NIPAL3: variants seen among roughly 807,000 people sequenced by gnomAD.
The protein encoded by NIPAL3 is NIPA like domain containing 3.
Under a neutral mutation model 47.2 loss-of-function variants are expected in NIPAL3, and 41 were observed. That is an observed-to-expected ratio of 0.87 (90% confidence interval 0.68 to 1.13). The LOEUF is 1.13. Among genes scored for constraint, NIPAL3 ranks in the 50% most tolerant of loss-of-function variants. The pLI is 0.00. For synonymous variants in NIPAL3, 194 were observed against 209.6 expected, an observed-to-expected ratio of 0.93 and a Z score of 0.64; for missense variants, 449 against 530.1, an observed-to-expected ratio of 0.85 and a Z score of 1.50.
At chr1:24,461,159 CA>C (rs1646451373) in intron 10 of NIPAL3, among the ~76,000 whole-genome samples, 1 of 152,130 alleles carries the variant, frequency 6.6e-6, no homozygotes, top group African/African-American at 2.4e-5. Context: ...ATGCCATATC[CA>C]GATAATAGCA....
chr1:24,417,544 A>G (rs1644117905), intron 1 of NIPAL3, among the ~76,000 whole-genome samples: 1 of 152,234 alleles, frequency 6.6e-6, no homozygotes, highest in Non-Finnish European at 1.5e-5. Context: ...CAGGCAGGGA[A>G]GTCTAGCTAT....
At chr1:24,463,936 T>C in intron 10 of NIPAL3, 90 bp from the exon 11 acceptor site, 1 of 1,132,938 alleles carries the variant, frequency 8.8e-7, no homozygotes, top group Non-Finnish European at 1.3e-6. Flanking sequence ...CAAGCCTTTT[T>C]ACCTCTTTCC....
At chr1:24,441,166 AG>A (rs951745857) in intron 3 of NIPAL3, among the ~76,000 whole-genome samples, 2 of 152,180 alleles carry the variant, frequency 1.3e-5, no homozygotes, top group Non-Finnish European at 2.9e-5. Context: ...TTCTGCCTGC[AG>A]TGAACTGCTC....
At position 24,469,414 on chromosome 1, in the gene NIPAL3, C is replaced by T. The variant is rs534116175; in HGVS notation, c.*229C>T. On this transcript the variant is annotated 3_prime_UTR_variant, in exon 12 of 12. Coordinates refer to ENST00000374399, the MANE Select transcript of NIPAL3 (RefSeq NM_020448.5). ...TTATTCCAGGTGGACGGGATAGAATCCAGCCTCTGCCTGGATTAGCCCAGG... is the reference window on the plus strand; with the variant it reads ...TTATTCCAGGTGGACGGGATAGAATTCAGCCTCTGCCTGGATTAGCCCAGG... 25 of 500,468 alleles carry T rather than the reference C, an allele frequency of 5.0e-5. No homozygotes were observed. The highest frequency in any genetic ancestry group is 1.0e-3 in the Middle Eastern group (2 of 1,924). 31.0% of individuals were successfully genotyped at this position (500,468 alleles called of 1,614,324 possible).
intron 2 of NIPAL3, among the ~76,000 whole-genome samples, chr1:24,435,768 G>A (rs929278424): frequency 6.6e-6 from 1 of 152,202 alleles, no homozygotes; most frequent in African/African-American, 2.4e-5. Context: ...CCTTGCCACT[G>A]GCTCCCTGCT....
At chr1:24,431,823 GTTGTGGAACAGCT>G (rs1644892511) in intron 2 of NIPAL3, among the ~76,000 whole-genome samples, 2 of 151,540 alleles carry the variant, frequency 1.3e-5, no homozygotes. Context: ...CTTCCTATGC[GTTGTGGAACAGCT>G]TTCTGCACCC....
At chr1:24,453,624 T>C in intron 7 of NIPAL3, 120 bp downstream of exon 7, 1 of 779,604 alleles carries the variant, frequency 1.3e-6, no homozygotes, top group African/African-American at 1.8e-5. Flanking sequence ...CTGGCTGAGG[T>C]TGTTCTGTCT....
At position 24,466,004 on chromosome 1, in the gene NIPAL3, A is replaced by C. The variant is rs778354464; in HGVS notation, c.1021+1884A>C. 4.3e-6 allele frequency: 7 copies of C among 1,610,622 alleles called. No individual in the cohort carries two copies. In the East Asian group the frequency reaches 1.6e-4, roughly 36 times the overall value. On this transcript the variant is annotated intron_variant, in intron 11 of 11. Transcript: ENST00000374399. ...AGGATCTTGCCTTTTGTCTACCTAG[A>C]TTCATATCTTCACAACAGACAACTG...
chr1:24,448,999 CAACGCAGACGAATCTCAGA>C (rs1384498451), intron 5 of NIPAL3, among the ~76,000 whole-genome samples: 1 of 152,244 alleles, frequency 6.6e-6, no homozygotes, highest in Non-Finnish European at 1.5e-5. Flanking sequence ...CTGTGCCCCA[CAACGCAGACGAATCTCAGA>C]AACATCATGC....
chr1:24,416,129 T>G lies in NIPAL3; in HGVS notation c.-258+225T>G, dbSNP rs976799969. Reference sequence around the variant, plus strand: ...TACCTTACTAAAGGTGATGCCAGGCTCTACCAAACCAGGAAGTGACATGGA... The same window carrying G: ...TACCTTACTAAAGGTGATGCCAGGCGCTACCAAACCAGGAAGTGACATGGA... On this transcript the variant is annotated intron_variant, in intron 1 of 11. Transcript: ENST00000374399. This position sits in a 1 kb window ranked among gnomAD's most constrained non-coding sequence, Gnocchi z 4.8. The G allele has an allele frequency of 5.1e-6, 5 of 985,340 alleles. No homozygotes were observed. In the East Asian group the frequency reaches 5.7e-4, roughly 112 times the overall value. 61.0% of individuals were successfully genotyped at this position (985,340 alleles called of 1,614,324 possible). A position where few individuals can be genotyped will look rare whatever the true frequency, so the allele number is the denominator to read the frequency against.
intron 2 of NIPAL3, among the ~76,000 whole-genome samples, chr1:24,436,971 G>T (rs552038778): frequency 6.6e-6 from 1 of 152,042 alleles, no homozygotes; most frequent in East Asian, 1.9e-4. Flanking sequence ...ATTGAAACTG[G>T]CTGGGCGTGG....
At position 24,449,540 on chromosome 1, in the gene NIPAL3, G is replaced by A; in HGVS notation, c.454G>A (p.Val152Met). The change falls in exon 6 of 12, where the codon GTG (valine) becomes ATG (methionine). Residue 152 changes from valine to methionine, a missense_variant. Val to Met is a conservative substitution (Grantham distance 21, BLOSUM62 1). Coordinates refer to ENST00000374399, the MANE Select transcript of NIPAL3 (RefSeq NM_020448.5). This position sits in a 1 kb window ranked among gnomAD's most constrained non-coding sequence, Gnocchi z 4.5. ...GLAVVGTYLL[V>M]TFAPNSHEKM... ...GGCTGTCGTGGGTACCTACCTGCTG[G>A]TGACATTCGCACCCAACAGTCACGA... 1 of 1,614,054 alleles carries A rather than the reference G, an allele frequency of 6.2e-7. No homozygotes were observed. Among genetic ancestry groups the A allele is most frequent in the Non-Finnish European group, 8.5e-7 (1 of 1,180,024 alleles).
Position 24,416,188 on chromosome 1 carries a change from G to A in NIPAL3, c.-258+284G>A, listed in dbSNP as rs538446158. 37 of 985,692 alleles carry A rather than the reference G, an allele frequency of 3.8e-5. No individual in the cohort carries two copies. In the Middle Eastern group the frequency reaches 1.6e-3, roughly 42 times the overall value. The allele number at this position is 985,692 out of a possible 1,614,324, so 61.1% of individuals were successfully genotyped here. ...TGCCAGAATTTCTCCTCTTCGTGCC[G>A]AGCGGCTCGGGCTTCCTGGCGGCAG... On this transcript the variant is annotated intron_variant, in intron 1 of 11. Coordinates refer to ENST00000374399, the MANE Select transcript of NIPAL3 (RefSeq NM_020448.5). The surrounding 1 kb of genome is among the most constrained non-coding windows in gnomAD (Gnocchi z 4.8).
chr1:24,422,789 C>A (rs1644392250), intron 2 of NIPAL3, among the ~76,000 whole-genome samples: 1 of 152,220 alleles, frequency 6.6e-6, no homozygotes, highest in Non-Finnish European at 1.5e-5. Context: ...TTACTGTTCG[C>A]ATCCTTGGAG....
chr1:24,441,492 C>T (rs1273823105), intron 3 of NIPAL3, among the ~76,000 whole-genome samples: 1 of 152,070 alleles, frequency 6.6e-6, no homozygotes, highest in Non-Finnish European at 1.5e-5. Context: ...CATTTCCCCC[C>T]AAAAAAGAAT....
intron 2 of NIPAL3, among the ~76,000 whole-genome samples, chr1:24,429,371 ATCT>A (rs1330725570): frequency 2.0e-5 from 3 of 152,270 alleles, no homozygotes; most frequent in Non-Finnish European, 4.4e-5. Context: ...TTTTTTATTT[ATCT>A]AACAGTATTG....
intron 2 of NIPAL3, among the ~76,000 whole-genome samples, chr1:24,422,284 G>A (rs6687289): frequency 0.11 from 16,859 of 152,090 alleles, 979 homozygotes; most frequent in African/African-American, 0.13. Flanking sequence ...GGGCTCTGTT[G>A]GGAAGGGTAT....
chr1:24,415,967 A>G, intron 1 of NIPAL3, 63 bp downstream of exon 1: 1 of 985,098 alleles, frequency 1.0e-6, no homozygotes, highest in Non-Finnish European at 1.2e-6. Flanking sequence ...TTTTCTGGAA[A>G]AAGCGAAGTC....
chr1:24,450,639 C>T (rs1245551346), intron 6 of NIPAL3, among the ~76,000 whole-genome samples: 1 of 152,168 alleles, frequency 6.6e-6, no homozygotes, highest in African/African-American at 2.4e-5. Flanking sequence ...ATGTTCTTCC[C>T]ATTTTATGGG....
Sources: gnomAD v4.1 joint callset for allele counts (sites outside exome capture counted in the v4.1 genomes callset) on GRCh38, gnomAD v4.1.1 for gene constraint, Gnocchi (gnomAD v3.1) non-coding constraint, MANE v1.5 for transcripts, NCBI Gene and HGNC (gene_info 2026-07-23, HGNC 2026-07-21) for gene names.